Variants in PRR5 observed in about 807,000 individuals in gnomAD.
The protein encoded by PRR5 is proline rich 5, also known as proline-rich protein 5.
A neutral mutation model predicts 30.6 loss-of-function variants in PRR5; 25 were observed. The ratio of observed to expected loss-of-function variants is 0.82; its 90% CI spans 0.60 to 1.14. The LOEUF (loss-of-function observed/expected upper bound fraction) is 1.14. Among genes scored for constraint, PRR5 ranks in the 50% most tolerant of loss-of-function variants. PRR5 has a pLI of 0.00. For synonymous variants in PRR5, 286 were observed against 247.1 expected (o/e 1.16, Z -1.48); for missense variants, 600 against 547.1 (o/e 1.10, Z -0.96).
In PRR5 at chr22:44,731,791, C is replaced by T. The variant is rs1414621275; in HGVS notation, c.384C>T (p.Pro128=). ...ACTTCTTCTTCAGTGACGTGCTGCC[C>T]ATGCTGCAGGCCATCTTCTACCCGG... ...TWDFFFSDVL[P]MLQAIFYPVQ... is the part of the protein sequence containing the mutation. The change falls in exon 5 of 8, where the codon CCC becomes CCT. Residue 128 remains proline (P), a synonymous_variant. Transcript: ENST00000336985. The T allele has an allele frequency of 3.1e-6, 5 of 1,613,510 alleles. No individual in the cohort carries two copies. Among genetic ancestry groups the T allele is most frequent in the Non-Finnish European group, 4.2e-6 (5 of 1,180,012 alleles).
chr22:44,721,167 CACAA>C (rs762732426), intron 2 of PRR5, among the ~76,000 whole-genome samples: 20 of 152,230 alleles, frequency 1.3e-4, no homozygotes, highest in African/African-American at 3.4e-4. Context: ...GAACAAAACA[CACAA>C]ACAAAGCAAG....
In PRR5 at chr22:44,730,659, A is replaced by G; in HGVS notation, c.323-1071A>G. ...CCATACCACTACGTCTGGCAAGCCCAGCTCCTATAGCCAGCTTGGATGCTC... is the reference window on the plus strand; with the variant it reads ...CCATACCACTACGTCTGGCAAGCCCGGCTCCTATAGCCAGCTTGGATGCTC... On this transcript the variant is annotated intron_variant, in intron 4 of 7. Transcript: ENST00000336985. The G allele has an allele frequency of 4.9e-6, 5 of 1,029,412 alleles. 1 individual carries two copies. In the South Asian group the frequency reaches 1.3e-4, roughly 27 times the overall value. The allele number at this position is 1,029,412 out of a possible 1,614,324, so 63.8% of individuals were successfully genotyped here.
chr22:44,684,038 G>A (rs1364465294), intron 1 of PRR5, among the ~76,000 whole-genome samples: 1 of 152,190 alleles, frequency 6.6e-6, no homozygotes, highest in African/African-American at 2.4e-5. Flanking sequence ...CTGGGTGGGG[G>A]TGTCGAAACC....
chr22:44,709,027 A>G (rs1927720951), intron 1 of PRR5, among the ~76,000 whole-genome samples: 1 of 148,438 alleles, frequency 6.7e-6, no homozygotes, highest in African/African-American at 2.5e-5. Flanking sequence ...TCATGCAGTG[A>G]TTTGGGACGG....
intron 6 of PRR5, 114 bp downstream of exon 6, chr22:44,732,505 G>T (rs1362045426): frequency 4.2e-6 from 6 of 1,439,198 alleles, no homozygotes; most frequent in Non-Finnish European, 5.6e-6. Context: ...TTAAGGAAGG[G>T]CCCGATCAGA....
At chr22:44,684,622 A>G (rs9614879) in intron 1 of PRR5, among the ~76,000 whole-genome samples, 13,701 of 152,242 alleles carry the variant, frequency 0.09, 770 homozygotes, top group East Asian at 0.27. Flanking sequence ...GTCACCTCCT[A>G]CCCGCGGTCC....
upstream of PRR5, among the ~76,000 whole-genome samples, chr22:44,675,358 G>C (rs974557649): frequency 6.6e-6 from 1 of 152,222 alleles, no homozygotes; most frequent in Non-Finnish European, 1.5e-5. Context: ...CTCCCAAAGT[G>C]CTGGGATTAC....
intron 2 of PRR5, among the ~76,000 whole-genome samples, chr22:44,724,542 C>A (rs988616853): frequency 6.6e-6 from 1 of 152,184 alleles, no homozygotes; most frequent in Non-Finnish European, 1.5e-5. Context: ...GGGGCCTCAG[C>A]GCTGACAGTG....
upstream of PRR5, among the ~76,000 whole-genome samples, chr22:44,697,991 T>C (rs1240496866): frequency 6.6e-6 from 1 of 152,190 alleles, no homozygotes; most frequent in Non-Finnish European, 1.5e-5. Context: ...ATGATGTCAC[T>C]TGCAGTGCTG....
chr22:44,672,613 C>T (rs1202457882), upstream of PRR5, among the ~76,000 whole-genome samples: 1 of 152,168 alleles, frequency 6.6e-6, no homozygotes, highest in East Asian at 1.9e-4. Flanking sequence ...TAAAAGATGT[C>T]AAGAAAACAC....
chr22:44,670,864 C>G (rs921674822), intron 1 of PRR5, among the ~76,000 whole-genome samples: 22 of 152,276 alleles, frequency 1.4e-4, no homozygotes, highest in African/African-American at 5.3e-4. Flanking sequence ...GGAACACCAG[C>G]CCCTCTCTGG....
In PRR5 at chr22:44,714,605, T is replaced by C; in HGVS notation, c.149T>C (p.Val50Ala). ...NATWNSIHNGVIAVFQRKGLP... is the reference protein window; with the variant it reads ...NATWNSIHNGAIAVFQRKGLP... ...TCTGCCCCCAGCATCCACAACGGGG[T>C]GATCGCCGTCTTCCAGCGCAAGGGG... Residue 50 changes from valine to alanine, a missense_variant, in exon 2 of 8, where the codon GTG (valine) becomes GCG (alanine). Physicochemically the swap from Val to Ala is moderately conservative, Grantham distance 64. Transcript: ENST00000336985. 6.2e-7 allele frequency: 1 copy of C among 1,613,222 alleles called. No homozygotes were observed.
At chr22:44,729,031 C>T (rs1022932637) in intron 4 of PRR5, among the ~76,000 whole-genome samples, 8 of 152,198 alleles carry the variant, frequency 5.3e-5, no homozygotes, top group Non-Finnish European at 4.4e-5. Flanking sequence ...AGCCAAGCAA[C>T]TCCTTGGAAG....
At chr22:44,727,224 G>A (rs935024043) in intron 4 of PRR5, among the ~76,000 whole-genome samples, 3 of 152,248 alleles carry the variant, frequency 2.0e-5, no homozygotes, top group East Asian at 1.9e-4. Flanking sequence ...CCCTTCTCAC[G>A]GCCCGGAGGT....
intron 3 of PRR5, among the ~76,000 whole-genome samples, chr22:44,725,525 C>T (rs1920929233): frequency 6.6e-6 from 1 of 152,228 alleles, no homozygotes; most frequent in African/African-American, 2.4e-5. Context: ...GGCTGGAGTG[C>T]AATGGCGTGA....
intron 1 of PRR5, among the ~76,000 whole-genome samples, chr22:44,705,513 C>T (rs1411025917): frequency 6.6e-6 from 1 of 151,482 alleles, no homozygotes; most frequent in Admixed American, 6.6e-5. Flanking sequence ...TTAGTAGAGA[C>T]GGGGTTTTGC....
rs1601967075 is a variant in PRR5, at chr22:44,691,800, C to A, written c.-10-10692C>A. Among the ~76,000 whole-genome samples the A allele has an allele frequency of 9.2e-5, 14 of 152,050 alleles. No individual in the cohort carries two copies. In the South Asian group the frequency reaches 2.9e-3, roughly 32 times the overall value. On this transcript the variant is annotated intron_variant, in intron 1 of 8. Transcript: ENST00000006251. The surrounding 1 kb of genome is among the most constrained non-coding windows in gnomAD (Gnocchi z 4.4). ...AAAAAAAAAAAGACACTGAAATCCA[C>A]CAAGTTTTTTCCAGATGAGGACTCC...
At chr22:44,731,231 T>TAAA in intron 4 of PRR5, 1 of 214,190 alleles carries the variant, frequency 4.7e-6, no homozygotes, top group South Asian at 6.5e-5. Flanking sequence ...GGTGTACCTG[T>TAAA]GTGGGTCTTA....
Position 44,714,584 on chromosome 22 carries a change from C to A in PRR5, c.135-7C>A, listed in dbSNP as rs73891757. Reference sequence around the variant, plus strand: ...GGACTGCAGTGTTTTCTTCCCTCTGCCCCCAGCATCCACAACGGGGTGATC... The same window carrying A: ...GGACTGCAGTGTTTTCTTCCCTCTGACCCCAGCATCCACAACGGGGTGATC... On this transcript the variant is annotated splice_region_variant and splice_polypyrimidine_tract_variant and intron_variant, in intron 1 of 7. Coordinates refer to ENST00000336985, the MANE Select transcript of PRR5 (RefSeq NM_181333.4). 4,706 of 1,612,504 alleles carry A rather than the reference C, an allele frequency of 2.9e-3. 102 individuals are homozygous for A. In the African/African-American group the frequency reaches 0.052, roughly 18 times the overall value.
Sources: allele counts gnomAD v4.1 joint callset (sites outside exome capture counted in the v4.1 genomes callset), GRCh38; gene constraint gnomAD v4.1.1; non-coding constraint Gnocchi (gnomAD v3.1); transcripts MANE v1.5; gene names NCBI Gene and HGNC (gene_info 2026-07-23, HGNC 2026-07-21).